The following C7 variants were observed in gnomAD, a reference collection of about 807,000 sequenced individuals.
The protein encoded by C7 is complement C7.
In C7, 83 loss-of-function variants were observed where a neutral mutation model predicts 104.8. That is an observed-to-expected ratio of 0.79 (90% confidence interval 0.66 to 0.95). C7 has a LOEUF of 0.95. C7 is among the 40% of genes least tolerant of loss of function. C7 has a pLI of 0.00. For synonymous variants in C7, 415 were observed against 360.6 expected (o/e 1.15, Z -1.71); for missense variants, 1,070 against 1,011.2 (o/e 1.06, Z -0.79).
Position 40,965,644 on chromosome 5 carries a change from A to AT in C7, c.1882+772dup, listed in dbSNP as rs1187259916. On this transcript the variant is annotated intron_variant, in intron 14 of 17. Transcript: ENST00000313164. ...TGTATAGTGATATATATATATATAT[A>AT]TATATTTTTTTTTTGGAGACAGAGT... 6.4e-3 allele frequency among the ~76,000 whole-genome samples: 546 copies of AT among 85,488 alleles called. 3 individuals carry two copies. The highest frequency in any genetic ancestry group is 0.014 in the African/African-American group (211 of 14,814). 56.1% of individuals were successfully genotyped at this position (85,488 alleles called of 152,430 possible). A position where few individuals can be genotyped will look rare whatever the true frequency, so the allele number is the denominator to read the frequency against.
At chr5:40,920,965 C>CT (rs1192733912) in intron 1 of C7, among the ~76,000 whole-genome samples, 3 of 151,242 alleles carry the variant, frequency 2.0e-5, no homozygotes, top group African/African-American at 7.3e-5. Context: ...AGGAGAATTG[C>CT]TTGAACTTGG....
chr5:40,964,659 TAGACTGA>T, intron 13 of C7, 75 bp from the exon 14 acceptor site: 1 of 1,227,640 alleles, frequency 8.1e-7, no homozygotes. Context: ...TTATGATTTA[TAGACTGA>T]ATATATGTAA....
At chr5:40,977,258 C>T (rs932065098) in intron 16 of C7, among the ~76,000 whole-genome samples, 1 of 152,190 alleles carries the variant, frequency 6.6e-6, no homozygotes, top group African/African-American at 2.4e-5. Flanking sequence ...TCTAGATTTG[C>T]ATGGTTAAGA....
intron 1 of C7, among the ~76,000 whole-genome samples, chr5:40,921,138 G>A (rs1198070578): frequency 6.6e-6 from 1 of 151,672 alleles, no homozygotes; most frequent in Non-Finnish European, 1.5e-5. Flanking sequence ...AAATTAACAT[G>A]CAAAAATCAG....
intron 3 of C7, 52 bp downstream of exon 3, chr5:40,931,191 G>A (rs1015869475): frequency 7.4e-7 from 1 of 1,350,804 alleles, no homozygotes; most frequent in African/African-American, 1.4e-5. Flanking sequence ...AAATACTTTG[G>A]CATGGCCAAA....
chr5:40,937,870 T>C (rs1207894737), intron 6 of C7, among the ~76,000 whole-genome samples, 180 bp downstream of exon 6: 1 of 152,180 alleles, frequency 6.6e-6, no homozygotes, highest in Non-Finnish European at 1.5e-5. Flanking sequence ...TACAGGGCAA[T>C]GATACTTTTA....
intron 16 of C7, among the ~76,000 whole-genome samples, chr5:40,978,872 A>T (rs1019606105): frequency 1.3e-5 from 1 of 79,054 alleles, no homozygotes; most frequent in African/African-American, 4.6e-5. Flanking sequence ...ATTTTATGGA[A>T]ATTTTTTTTT....
intron 1 of C7, among the ~76,000 whole-genome samples, chr5:40,921,313 C>A (rs1739433600): frequency 6.6e-6 from 1 of 151,652 alleles, no homozygotes; most frequent in Non-Finnish European, 1.5e-5. Context: ...TTTAAGAGAA[C>A]ACAAAAAAGG....
intron 14 of C7, among the ~76,000 whole-genome samples, chr5:40,969,414 TG>T (rs145923574): frequency 0.088 from 13,400 of 152,248 alleles, 838 homozygotes; most frequent in East Asian, 0.19. Flanking sequence ...TTGTTTTTTT[TG>T]GTTGGAATTT....
At position 40,962,498 on chromosome 5, in the gene C7, T is replaced by G. The variant is rs566633745; in HGVS notation, c.1749+326T>G. Among the ~76,000 whole-genome samples, 5 of 152,254 alleles carry G rather than the reference T, an allele frequency of 3.3e-5. No homozygotes were observed. In the South Asian group the frequency reaches 1.0e-3, roughly 32 times the overall value. On this transcript the variant is annotated intron_variant, in intron 13 of 17. Coordinates refer to ENST00000313164, the MANE Select transcript of C7 (RefSeq NM_000587.4). ...CGAATCTACAAGCTTGCTCTTTAAC[T>G]CACAGAGCTTCTCTTATTTTTGCCA...
intron 9 of C7, among the ~76,000 whole-genome samples, chr5:40,950,468 G>A (rs1740145291): frequency 6.6e-6 from 1 of 152,026 alleles, no homozygotes; most frequent in Admixed American, 6.6e-5. Flanking sequence ...CATTTAGGTT[G>A]ATTCCGTGTC....
At chr5:40,959,688 A>G in intron 12 of C7, 68 bp downstream of exon 12, 1 of 1,204,104 alleles carries the variant, frequency 8.3e-7, no homozygotes, top group South Asian at 2.0e-5. Flanking sequence ...CATGGAACAC[A>G]TGATTGCTGC....
intron 7 of C7, among the ~76,000 whole-genome samples, chr5:40,946,456 C>A (rs983558153): frequency 1.3e-5 from 2 of 152,146 alleles, no homozygotes; most frequent in Non-Finnish European, 2.9e-5. Flanking sequence ...GACTATGGAG[C>A]TATGAGTTGT....
Position 40,958,131 on chromosome 5 carries a change from C to T in C7, c.1359C>T (p.Asp453=). 1.2e-6 allele frequency: 2 copies of T among 1,613,764 alleles called. No homozygotes were observed. The highest frequency in any genetic ancestry group is 1.7e-6 in the Non-Finnish European group (2 of 1,179,762). The change falls in exon 11 of 18, where the codon GAC becomes GAT. Residue 453 remains aspartate (D), a synonymous_variant. Transcript: ENST00000313164. ...WALEEYLDEF[D]PCHCRPCQNG... ...TTGAAGAGTATCTGGATGAATTTGA[C>T]CCCTGTCATTGCCGGCCTTGTCAAA...
At chr5:40,919,690 A>G (rs889559894) in intron 1 of C7, among the ~76,000 whole-genome samples, 3 of 152,324 alleles carry the variant, frequency 2.0e-5, no homozygotes, top group Non-Finnish European at 2.9e-5. Flanking sequence ...CCACAAATAT[A>G]TGGAAATTAG....
chr5:40,965,705 C>T (rs1464013158), intron 14 of C7, among the ~76,000 whole-genome samples: 1 of 149,332 alleles, frequency 6.7e-6, no homozygotes, highest in Non-Finnish European at 1.5e-5. Flanking sequence ...GCAGTGGTGC[C>T]ATCTTGGCTC....
At chr5:40,970,282 T>C (rs1194845198) in intron 14 of C7, among the ~76,000 whole-genome samples, 2 of 152,238 alleles carry the variant, frequency 1.3e-5, no homozygotes, top group African/African-American at 4.8e-5. Flanking sequence ...GATACAGCAA[T>C]ACTTTGTAGA....
At chr5:40,927,697 A>G (rs1301534734) in intron 1 of C7, among the ~76,000 whole-genome samples, 8 of 152,072 alleles carry the variant, frequency 5.3e-5, no homozygotes, top group African/African-American at 1.9e-4. Flanking sequence ...AAAGTGCTCA[A>G]CATTGCTAAT....
chr5:40,941,180 C>T (rs548115516), intron 6 of C7, among the ~76,000 whole-genome samples: 7 of 151,756 alleles, frequency 4.6e-5, no homozygotes, highest in East Asian at 3.9e-4. Context: ...TCTCATGCCT[C>T]GGCCTACCGA....
Sources: gnomAD v4.1 joint callset for allele counts (sites outside exome capture counted in the v4.1 genomes callset) on GRCh38, gnomAD v4.1.1 for gene constraint, MANE v1.5 for transcripts, NCBI Gene and HGNC (gene_info 2026-07-23, HGNC 2026-07-21) for gene names.